The following IRF6 variants were observed in gnomAD, a reference collection of about 807,000 sequenced individuals.
The protein encoded by IRF6 is interferon regulatory factor 6, also known as Van der Woude syndrome.
A neutral mutation model predicts 51.4 loss-of-function variants in IRF6; 6 were observed. The observed-to-expected ratio is 0.12, with a 90% CI of 0.06 to 0.23. The LOEUF is 0.23. IRF6 is among the 10% of genes least tolerant of loss of function. The pLI is 1.00. For missense variants in IRF6, 348 were observed against 585.2 expected (o/e 0.59, Z 4.18); for synonymous variants, 178 against 215.7 (o/e 0.83, Z 1.53).
chr1:209,790,939 C>T lies in IRF6; in HGVS notation c.668-52G>A, dbSNP rs2077865513. 1 of 1,610,704 alleles carries T rather than the reference C, an allele frequency of 6.2e-7. No homozygotes were observed. ...GTCCTGCTTCACTGCTCTGCCTGTT[C>T]ATCCCTGTGACTCATGCAAGTCCAT... is the stretch of plus-strand genomic sequence containing the variant. On this transcript the variant is annotated intron_variant, in intron 6 of 8. Coordinates refer to ENST00000367021, the MANE Select transcript of IRF6 (RefSeq NM_006147.4). The surrounding 1 kb of genome is among the most constrained non-coding windows in gnomAD (Gnocchi z 4.8).
rs61182544 is a variant in IRF6, at chr1:209,798,908, C to CAAA, written c.174+2329_174+2331dup. ...TGGGTGACAGAGCAAGACTCTGTCT[C>CAAA]AAAAAAAAAAAAAAAAAAAAAAAGA... On this transcript the variant is annotated intron_variant, in intron 3 of 8. Transcript: ENST00000367021. Among the ~76,000 whole-genome samples, 2,590 of 98,574 alleles carry CAAA rather than the reference C, an allele frequency of 0.026. 257 individuals are homozygous for CAAA. In the East Asian group the frequency reaches 0.3, roughly 12 times the overall value. 64.7% of individuals were successfully genotyped at this position (98,574 alleles called of 152,430 possible).
At chr1:209,792,112 T>C (rs758199037) in intron 6 of IRF6, among the ~76,000 whole-genome samples, 157 bp downstream of exon 6, 3 of 152,180 alleles carry the variant, frequency 2.0e-5, no homozygotes, top group Non-Finnish European at 2.9e-5. Flanking sequence ...ACTTCTTCCC[T>C]GGTGACTCAT....
chr1:209,804,652 C>CCTAT (rs1432515989), intron 1 of IRF6, among the ~76,000 whole-genome samples: 2 of 152,182 alleles, frequency 1.3e-5, no homozygotes, highest in Non-Finnish European at 2.9e-5. Context: ...ATGATGCTAA[C>CCTAT]CTATCTATTC....
rs543777449 is a variant in IRF6 at position 209,804,038 on chromosome 1, C to A, written c.-76+1909G>T. ...TTATCTAGTGATGCAACTATGGGTG[C>A]TTTTTACATTCTCCCATATACATTA... On this transcript the variant is annotated intron_variant, in intron 1 of 8. Transcript: ENST00000367021. Among the ~76,000 whole-genome samples the A allele has an allele frequency of 2.6e-5, 4 of 152,178 alleles. No individual in the cohort carries two copies. In the East Asian group the frequency reaches 7.7e-4, roughly 29 times the overall value.
intron 4 of IRF6, 144 bp from the exon 5 acceptor site, chr1:209,795,562 T>C (rs891943094): frequency 7.8e-7 from 1 of 1,278,904 alleles, no homozygotes; most frequent in Non-Finnish European, 1.1e-6. Flanking sequence ...CTAAAAAGAG[T>C]GAGAATCAAG....
rs778531449 is a variant in IRF6 at position 209,790,713 on chromosome 1, T to G, written c.842A>C (p.His281Pro). Reference sequence around the variant, plus strand: ...CAGCTTCTGCTTCTCATTGGTAATATGCTCAGGACCTGGGAATTTGACCTG... The same window carrying G: ...CAGCTTCTGCTTCTCATTGGTAATAGGCTCAGGACCTGGGAATTTGACCTG... The part of the protein sequence containing the change: ...LEQVKFPGPE[H>P]ITNEKQKLFT... The change falls in exon 7 of 9, where the codon CAT becomes CCT. Residue 281 changes from histidine (H) to proline (P), a missense_variant. Physicochemically the swap from His to Pro is moderately conservative, Grantham distance 77. Around this residue, in one of 5 missense-constraint regions of IRF6, gnomAD observed 125 missense variants for 222.0 expected, o/e 0.56. Coordinates refer to ENST00000367021, the MANE Select transcript of IRF6 (RefSeq NM_006147.4). This position sits in a 1 kb window ranked among gnomAD's most constrained non-coding sequence, Gnocchi z 4.8. 4.3e-6 allele frequency: 7 copies of G among 1,614,176 alleles called. No individual in the cohort carries two copies. The Middle Eastern group carries it at 6.6e-4, about 152-fold the overall frequency.
intron 3 of IRF6, among the ~76,000 whole-genome samples, chr1:209,800,263 C>T (rs2102546742): frequency 6.6e-6 from 1 of 152,334 alleles, no homozygotes; most frequent in South Asian, 2.1e-4. Context: ...TGTCCACCTA[C>T]TTCTGTCTTA....
At position 209,790,774 on chromosome 1, in the gene IRF6, C is replaced by G. The variant is rs201017955; in HGVS notation, c.781G>C (p.Asp261His). The change falls in exon 7 of 9, where the codon GAC (aspartate) becomes CAC (histidine). Residue 261 changes from aspartate to histidine, a missense_variant. This residue lies in a region of IRF6 where 125 missense variants were observed against 222.0 expected (regional missense o/e 0.56). Coordinates refer to ENST00000367021, the MANE Select transcript of IRF6 (RefSeq NM_006147.4). This position sits in a 1 kb window ranked among gnomAD's most constrained non-coding sequence, Gnocchi z 4.8. ...ACGGGACCAAAGAGCTCCTCCTGGT[C>G]AGGCATGGGACCCAGGTCCCCATAG... ...LFYGDLGPMP[D>H]QEELFGPVSL... 2 of 1,614,198 alleles carry G rather than the reference C, an allele frequency of 1.2e-6. No homozygotes were observed. Among genetic ancestry groups the G allele is most frequent in the Non-Finnish European group, 1.7e-6 (2 of 1,180,050 alleles).
intron 1 of IRF6, among the ~76,000 whole-genome samples, chr1:209,804,032 T>C (rs970568112): frequency 1.3e-5 from 2 of 152,212 alleles, no homozygotes; most frequent in Admixed American, 6.5e-5. Flanking sequence ...GATGCAACTA[T>C]GGGTGCTTTT....
chr1:209,793,539 G>A (rs551629068), intron 5 of IRF6, among the ~76,000 whole-genome samples: 56 of 152,124 alleles, frequency 3.7e-4, no homozygotes, highest in African/African-American at 1.3e-3. Flanking sequence ...TTCACTAAGC[G>A]GGAATGTAAC....
rs374414372 is a variant in IRF6, at chr1:209,788,375, T to C, written c.*45A>G. 4.0e-6 allele frequency: 5 copies of C among 1,246,208 alleles called. No individual in the cohort carries two copies. Among genetic ancestry groups the C allele is most frequent in the Admixed American group, 1.7e-5 (1 of 58,810 alleles). The allele number at this position is 1,246,208 out of a possible 1,614,324, so 77.2% of individuals were successfully genotyped here. A position where few individuals can be genotyped will look rare whatever the true frequency, so the allele number is the denominator to read the frequency against. On this transcript the variant is annotated 3_prime_UTR_variant, in exon 9 of 9. Coordinates refer to ENST00000367021, the MANE Select transcript of IRF6 (RefSeq NM_006147.4). ...AATCTAAACAATAAAAAAATCCATA[T>C]GTACAATATTATAAAAAAGAGAAGG...
intron 1 of IRF6, among the ~76,000 whole-genome samples, chr1:209,802,497 G>A (rs571263963): frequency 6.6e-6 from 1 of 152,256 alleles, no homozygotes; most frequent in Admixed American, 6.5e-5. Context: ...TGGATTTTTT[G>A]GTGTTCTTAT....
chr1:209,799,525 G>C (rs2077926597), intron 3 of IRF6, among the ~76,000 whole-genome samples: 1 of 152,212 alleles, frequency 6.6e-6, no homozygotes, highest in African/African-American at 2.4e-5. Context: ...CTTGGTATCT[G>C]TGAAAGCACC....
chr1:209,788,465 C>T lies in IRF6; in HGVS notation c.1359G>A (p.Gln453=), dbSNP rs769108612. ...LQTQESWQPM[Q]PTPSMQLPPA... is the part of the protein sequence containing the mutation. ...GGGGCAGTTGCATGCTGGGGGTGGG[C>T]TGCATGGGCTGCCAGCTCTCCTGGG... Residue 453 remains glutamine, a synonymous_variant, in exon 9 of 9, where the codon CAG becomes CAA. Transcript: ENST00000367021. The T allele has an allele frequency of 7.4e-5, 120 of 1,613,908 alleles. No homozygotes were observed. Among genetic ancestry groups the T allele is most frequent in the Non-Finnish European group, 9.9e-5 (117 of 1,180,018 alleles).
chr1:209,800,623 G>A (rs1451445554), intron 3 of IRF6, among the ~76,000 whole-genome samples: 1 of 152,122 alleles, frequency 6.6e-6, no homozygotes, highest in Non-Finnish European at 1.5e-5. Context: ...GCCAGGCGTG[G>A]TGGTGTGTGC....
intron 5 of IRF6, among the ~76,000 whole-genome samples, chr1:209,794,315 A>C (rs142269395): frequency 1.1e-3 from 175 of 152,294 alleles, no homozygotes; most frequent in African/African-American, 3.9e-3. Flanking sequence ...TATTTCTCTA[A>C]TGATTAGTGA....
chr1:209,799,407 G>A (rs2077925693), intron 3 of IRF6, among the ~76,000 whole-genome samples: 1 of 152,156 alleles, frequency 6.6e-6, no homozygotes, highest in Non-Finnish European at 1.5e-5. Context: ...CAACATGAAG[G>A]TAATACCTCC....
intron 5 of IRF6, among the ~76,000 whole-genome samples, chr1:209,793,535 A>G (rs1361685797): frequency 6.6e-6 from 1 of 152,138 alleles, no homozygotes; most frequent in Non-Finnish European, 1.5e-5. Flanking sequence ...CAATTTCACT[A>G]AGCGGGAATG....
rs1386814761 is a variant in IRF6, at chr1:209,796,626, T to TAGACAC, written c.175-80_175-75dup. ...CAAAGCATGTGCTTACCCTTTCTCA[T>TAGACAC]AGACACAAACACACACACACACACA... On this transcript the variant is annotated intron_variant, in intron 3 of 8. Transcript: ENST00000367021. The surrounding 1 kb of genome is among the most constrained non-coding windows in gnomAD (Gnocchi z 4.5). 1.3e-5 allele frequency: 11 copies of TAGACAC among 821,976 alleles called. No individual in the cohort carries two copies. In the East Asian group the frequency reaches 3.0e-4, roughly 23 times the overall value. 50.9% of individuals were successfully genotyped at this position (821,976 alleles called of 1,614,324 possible).
Sources: allele counts gnomAD v4.1 joint callset (sites outside exome capture counted in the v4.1 genomes callset), GRCh38; gene constraint gnomAD v4.1.1; regional missense constraint gnomAD v4.1.1; non-coding constraint Gnocchi (gnomAD v3.1); transcripts MANE v1.5; gene names NCBI Gene and HGNC (gene_info 2026-07-23, HGNC 2026-07-21).